EBF3: variants seen among roughly 807,000 people sequenced by gnomAD.
EBF3 encodes the protein EBF transcription factor 3, also known as transcription factor COE3.
In EBF3, 18 loss-of-function variants were observed where a neutral mutation model predicts 77.1. The ratio of observed to expected loss-of-function variants is 0.23; its 90% CI spans 0.16 to 0.35. The LOEUF is 0.35. EBF3 is among the 10% of genes least tolerant of loss of function. EBF3 has a pLI of 1.00. For synonymous variants in EBF3, 350 were observed against 343.5 expected, an observed-to-expected ratio of 1.02 and a Z score of -0.21; for missense variants, 558 against 860.0, an observed-to-expected ratio of 0.65 and a Z score of 4.39.
chr10:129,842,328 C>A lies in EBF3; in HGVS notation c.1195-35G>T. ...GAGCAAGTGGGAGCCGGCCTGTCAC[C>A]CCAGGCCCGGCCCAGCTGGCCGCAC... is the stretch of plus-strand genomic sequence containing the variant. On this transcript the variant is annotated intron_variant, in intron 12 of 16. Transcript: ENST00000440978. This position sits in a 1 kb window ranked among gnomAD's most constrained non-coding sequence, Gnocchi z 4.4. 6.5e-7 allele frequency: 1 copy of A among 1,543,876 alleles called. No individual in the cohort carries two copies. The highest frequency in any genetic ancestry group is 1.4e-5 in the African/African-American group (1 of 72,802).
chr10:129,910,034 A>G (rs1855415531), intron 6 of EBF3, among the ~76,000 whole-genome samples: 1 of 152,208 alleles, frequency 6.6e-6, no homozygotes, highest in Admixed American at 6.5e-5. Flanking sequence ...GCAGACAGTA[A>G]GCAACGCGTG....
At chr10:129,925,936 A>G (rs541412071) in intron 6 of EBF3, among the ~76,000 whole-genome samples, 1 of 152,306 alleles carries the variant, frequency 6.6e-6, no homozygotes, top group East Asian at 1.9e-4. Context: ...ACTGGGGGCC[A>G]GTGAAGATCT....
In EBF3 at chr10:129,963,193, CGCA is replaced by C; in HGVS notation, c.291+171_291+173del. On this transcript the variant is annotated intron_variant, in intron 2 of 16. Coordinates refer to ENST00000440978, the MANE Select transcript of EBF3 (RefSeq NM_001375380.1). This position sits in a 1 kb window ranked among gnomAD's most constrained non-coding sequence, Gnocchi z 7.1. ...TCCTCGCCCCGAGTAAGTCCGAGGG[CGCA>C]GAGAAGTTGCCCAGCCCTCGGCGGT... The C allele has an allele frequency of 8.7e-7, 1 of 1,154,656 alleles. No individual in the cohort carries two copies. The highest frequency in any genetic ancestry group is 1.2e-6 in the Non-Finnish European group (1 of 837,544). The allele number at this position is 1,154,656 out of a possible 1,614,324, so 71.5% of individuals were successfully genotyped here. A position where few individuals can be genotyped will look rare whatever the true frequency, so the allele number is the denominator to read the frequency against.
At chr10:129,953,025 G>C (rs1858779755) in intron 6 of EBF3, among the ~76,000 whole-genome samples, 2 of 141,122 alleles carry the variant, frequency 1.4e-5, no homozygotes, top group Non-Finnish European at 3.0e-5. Flanking sequence ...AGGAAACACT[G>C]TTGACTAAAA....
At chr10:129,949,388 A>T (rs542672211) in intron 6 of EBF3, among the ~76,000 whole-genome samples, 19 of 152,362 alleles carry the variant, frequency 1.2e-4, no homozygotes, top group African/African-American at 4.3e-4. Flanking sequence ...ACCAGTGAGC[A>T]GCATCCCAGG....
intron 6 of EBF3, among the ~76,000 whole-genome samples, chr10:129,892,379 T>A (rs936482186): frequency 6.6e-6 from 1 of 152,224 alleles, no homozygotes. Context: ...TATAAAACTG[T>A]TGTCATTGGA....
intron 6 of EBF3, among the ~76,000 whole-genome samples, chr10:129,926,698 GA>G (rs919048568): frequency 2.1e-4 from 32 of 152,262 alleles, no homozygotes; most frequent in African/African-American, 7.2e-4. Flanking sequence ...ATAAACAAAA[GA>G]AAAACAAACA....
At chr10:129,932,903 T>TC (rs1857121087) in intron 6 of EBF3, among the ~76,000 whole-genome samples, 3 of 150,316 alleles carry the variant, frequency 2.0e-5, no homozygotes, top group Admixed American at 2.0e-4. Flanking sequence ...TCCTTTTTTT[T>TC]TTTTTTTTTT....
At chr10:129,955,163 G>C (rs940775234) in intron 6 of EBF3, among the ~76,000 whole-genome samples, 2 of 152,070 alleles carry the variant, frequency 1.3e-5, no homozygotes, top group Admixed American at 1.3e-4. Flanking sequence ...ATAGTACTTT[G>C]CCATTCTAAG....
chr10:129,865,691 C>T (rs543352575), intron 10 of EBF3, among the ~76,000 whole-genome samples: 10 of 152,324 alleles, frequency 6.6e-5, no homozygotes, highest in African/African-American at 1.2e-4. Context: ...CAGTGGGCAG[C>T]GGCAGGATTT....
chr10:129,953,622 G>A (rs765465368), intron 6 of EBF3, among the ~76,000 whole-genome samples: 6 of 152,212 alleles, frequency 3.9e-5, no homozygotes, highest in Admixed American at 1.3e-4. Flanking sequence ...CCGCCCCGCC[G>A]AGCCCGCTCC....
At chr10:129,886,308 G>A (rs1853581224) in intron 6 of EBF3, among the ~76,000 whole-genome samples, 2 of 152,218 alleles carry the variant, frequency 1.3e-5, no homozygotes, top group Admixed American at 1.3e-4. Flanking sequence ...AATGATTAAT[G>A]GGCGCACAGC....
intron 6 of EBF3, among the ~76,000 whole-genome samples, chr10:129,929,202 TTTTA>T (rs1312589945): frequency 2.6e-5 from 4 of 152,048 alleles, no homozygotes; most frequent in Non-Finnish European, 5.9e-5. Context: ...TTATCTTTAT[TTTTA>T]TTTATTTATT....
At chr10:129,936,489 T>C (rs940356653) in intron 6 of EBF3, among the ~76,000 whole-genome samples, 2 of 152,172 alleles carry the variant, frequency 1.3e-5, no homozygotes, top group Admixed American at 1.3e-4. Flanking sequence ...ACCCTCGGCC[T>C]GTGTGAGGAC....
chr10:129,945,129 G>A (rs1284448379), intron 6 of EBF3, among the ~76,000 whole-genome samples: 1 of 62,700 alleles, frequency 1.6e-5, no homozygotes, highest in African/African-American at 6.0e-5. Context: ...GTGAAGGGAG[G>A]GGCAGGGAGG....
chr10:129,889,484 A>G (rs1490769924), intron 6 of EBF3, among the ~76,000 whole-genome samples: 2 of 152,174 alleles, frequency 1.3e-5, no homozygotes, highest in Non-Finnish European at 2.9e-5. Flanking sequence ...CTGCCTGAGC[A>G]CAGCTTTCTT....
intron 10 of EBF3, among the ~76,000 whole-genome samples, chr10:129,854,090 C>T (rs551062740): frequency 6.0e-5 from 9 of 150,626 alleles, no homozygotes; most frequent in Admixed American, 1.3e-4. Context: ...CCCACCAGAG[C>T]GCCTTCATCA....
chr10:129,929,859 A>G (rs1856891611), intron 6 of EBF3, among the ~76,000 whole-genome samples: 1 of 152,204 alleles, frequency 6.6e-6, no homozygotes, highest in Non-Finnish European at 1.5e-5. Flanking sequence ...AGATTAAGGA[A>G]TACTTAGAGA....
At chr10:129,899,244 G>A (rs1279636246) in intron 6 of EBF3, among the ~76,000 whole-genome samples, 4 of 152,190 alleles carry the variant, frequency 2.6e-5, no homozygotes, top group East Asian at 1.9e-4. Flanking sequence ...ATAAGGTGAC[G>A]GCACCATGGA....
Sources: gnomAD v4.1 joint callset for allele counts (sites outside exome capture counted in the v4.1 genomes callset) on GRCh38, gnomAD v4.1.1 for gene constraint, Gnocchi (gnomAD v3.1) non-coding constraint, MANE v1.5 for transcripts, NCBI Gene and HGNC (gene_info 2026-07-23, HGNC 2026-07-21) for gene names.